Variants in DLGAP2 observed in about 807,000 individuals in gnomAD.
DLGAP2 encodes DLG associated protein 2.
DLGAP2 carries 26 observed loss-of-function variants against 100.3 expected under a neutral mutation model. The observed-to-expected ratio is 0.26, with a 90% CI of 0.19 to 0.36. The LOEUF is 0.36. DLGAP2 is among the 10% of genes least tolerant of loss of function. DLGAP2 has a pLI of 1.00. For missense variants in DLGAP2, 1,858 were observed against 1,453.2 expected, an observed-to-expected ratio of 1.28 and a Z score of -4.53; for synonymous variants, 886 against 630.1, an observed-to-expected ratio of 1.41 and a Z score of -6.08.
intron 2 of DLGAP2, among the ~76,000 whole-genome samples, chr8:1,211,577 A>C (rs370388811): frequency 9.2e-5 from 14 of 152,360 alleles, no homozygotes; most frequent in African/African-American, 3.4e-4. Context: ...CGTATCCATT[A>C]ATCAATACTG....
At chr8:1,482,255 G>A (rs904687249) in intron 3 of DLGAP2, among the ~76,000 whole-genome samples, 3 of 152,188 alleles carry the variant, frequency 2.0e-5, no homozygotes, top group African/African-American at 7.2e-5. Context: ...TCTTTTAAAA[G>A]AAACGTGGAA....
chr8:1,645,666 C>T (rs1798024121), intron 8 of DLGAP2, among the ~76,000 whole-genome samples: 1 of 152,200 alleles, frequency 6.6e-6, no homozygotes, highest in African/African-American at 2.4e-5. Flanking sequence ...AATAATCTTA[C>T]AGGTACTATG....
At chr8:802,015 C>G (rs4735936) in intron 1 of DLGAP2, among the ~76,000 whole-genome samples, 2 of 51,758 alleles carry the variant, frequency 3.9e-5, no homozygotes, top group Non-Finnish European at 1.0e-4. Context: ...AGGAACAGTC[C>G]GCACCCCTCC....
intron 2 of DLGAP2, among the ~76,000 whole-genome samples, chr8:1,089,995 G>C (rs1405537281): frequency 6.6e-6 from 1 of 152,158 alleles, no homozygotes; most frequent in East Asian, 1.9e-4. Context: ...CTGAGGACCT[G>C]TTTCCTGTTT....
At position 1,001,266 on chromosome 8, in the gene DLGAP2, C is replaced by G. The variant is rs145434770; in HGVS notation, c.73+93300C>G. On this transcript the variant is annotated intron_variant, in intron 2 of 14. Coordinates refer to ENST00000637795, the MANE Select transcript of DLGAP2 (RefSeq NM_001346810.2). ...TTGTACTGCACACAGCCTTTCTCCA[C>G]TGGCTCTGTCAGAAGCCTGAGAACT... Among the ~76,000 whole-genome samples, 818 of 152,310 alleles carry G rather than the reference C, an allele frequency of 5.4e-3. 5 individuals carry two copies. The highest frequency in any genetic ancestry group is 0.014 in the Middle Eastern group (4 of 294).
At chr8:1,146,942 A>T (rs758955927) in intron 2 of DLGAP2, among the ~76,000 whole-genome samples, 2 of 152,032 alleles carry the variant, frequency 1.3e-5, no homozygotes, top group African/African-American at 2.4e-5. Context: ...CTTCCAATAA[A>T]TTTCTCCTCT....
rs1451722286 is a variant in DLGAP2 at position 1,697,419 on chromosome 8, A to G, written c.2949+120A>G. The stretch of plus-strand genomic sequence containing the variant: ...GTCTTTTGCTGGCAACACACGAGCA[A>G]ATTTCCCTCTATGTATGTGTGCACA... On this transcript the variant is annotated intron_variant, in intron 14 of 14. Transcript: ENST00000637795. The G allele has an allele frequency of 5.0e-6, 7 of 1,401,114 alleles. 1 individual carries two copies. The South Asian group carries it at 7.0e-5, about 14-fold the overall frequency. 86.8% of individuals were successfully genotyped at this position (1,401,114 alleles called of 1,614,324 possible).
intron 3 of DLGAP2, among the ~76,000 whole-genome samples, chr8:1,288,505 T>C (rs1799989309): frequency 8.8e-6 from 1 of 113,742 alleles, no homozygotes; most frequent in Non-Finnish European, 1.8e-5. Context: ...TGTGTGTGTG[T>C]GCATGGTTCT....
intron 2 of DLGAP2, among the ~76,000 whole-genome samples, chr8:1,145,990 C>T (rs539718467): frequency 2.0e-5 from 3 of 152,146 alleles, no homozygotes; most frequent in Admixed American, 6.5e-5. Context: ...ATATGTGCCA[C>T]ATTTTCTTAT....
chr8:1,491,729 C>T (rs977056937), intron 3 of DLGAP2, among the ~76,000 whole-genome samples: 7 of 152,216 alleles, frequency 4.6e-5, no homozygotes, highest in African/African-American at 1.7e-4. Flanking sequence ...ATACGATTTC[C>T]TCTTGAAGTT....
chr8:1,702,729 T>C lies in DLGAP2; in HGVS notation c.*1323T>C, dbSNP rs920675200. 2 of 152,260 alleles carry C rather than the reference T, an allele frequency of 1.3e-5. No individual in the cohort carries two copies. The highest frequency in any genetic ancestry group is 2.4e-5 in the African/African-American group (1 of 41,452). The allele number at this position is 152,260 out of a possible 1,614,324, so 9.4% of individuals were successfully genotyped here. A position where few individuals can be genotyped will look rare whatever the true frequency, so the allele number is the denominator to read the frequency against. Reference sequence around the variant, plus strand: ...TAATTAAATTTAGCTGCTGCAACCATTGTTCTGACACGACTTCTGTTTCAC... The same window carrying C: ...TAATTAAATTTAGCTGCTGCAACCACTGTTCTGACACGACTTCTGTTTCAC... On this transcript the variant is annotated 3_prime_UTR_variant, in exon 15 of 15. Coordinates refer to ENST00000637795, the MANE Select transcript of DLGAP2 (RefSeq NM_001346810.2).
At chr8:899,755 A>G (rs1322281386) in intron 1 of DLGAP2, among the ~76,000 whole-genome samples, 2 of 152,244 alleles carry the variant, frequency 1.3e-5, no homozygotes, top group African/African-American at 4.8e-5. Context: ...AATTGAGTAT[A>G]TATTAATGTT....
intron 3 of DLGAP2, among the ~76,000 whole-genome samples, chr8:1,471,617 C>T (rs942897885): frequency 1.3e-5 from 2 of 151,832 alleles, no homozygotes; most frequent in African/African-American, 4.8e-5. Context: ...GCCCACAGCC[C>T]ACTCATCCCT....
intron 6 of DLGAP2, among the ~76,000 whole-genome samples, chr8:1,617,027 C>G (rs1049652757): frequency 6.6e-6 from 1 of 152,188 alleles, no homozygotes; most frequent in Admixed American, 6.5e-5. Context: ...GGATAATGGC[C>G]TCCAGCTCCA....
chr8:894,646 G>A (rs1306729346), intron 1 of DLGAP2, among the ~76,000 whole-genome samples: 18 of 137,530 alleles, frequency 1.3e-4, no homozygotes, highest in South Asian at 2.4e-4. Context: ...TGGGGAGAGT[G>A]GAGTGGCGGC....
At chr8:1,613,558 A>G (rs1446343145) in intron 6 of DLGAP2, among the ~76,000 whole-genome samples, 3 of 152,072 alleles carry the variant, frequency 2.0e-5, no homozygotes, top group Admixed American at 2.0e-4. Flanking sequence ...AAAAAAAAGA[A>G]AAGAAAAGAA....
intron 3 of DLGAP2, among the ~76,000 whole-genome samples, chr8:1,317,037 C>T (rs1397846916): frequency 9.2e-6 from 1 of 108,224 alleles, no homozygotes; most frequent in Non-Finnish European, 1.8e-5. Context: ...AAAAATAGAG[C>T]GTGTGCGAGT....
rs1225422963 is a variant in DLGAP2 at position 1,190,409 on chromosome 8, T to C, written c.74-68442T>C. 1.1e-4 allele frequency among the ~76,000 whole-genome samples: 4 copies of C among 37,464 alleles called. No homozygotes were observed. In the East Asian group the frequency reaches 1.8e-3, roughly 17 times the overall value. 24.6% of individuals were successfully genotyped at this position (37,464 alleles called of 152,430 possible). Reference sequence around the variant, plus strand: ...CGAGAGTCAGGGTCGGGGCATCTGCTGTTGGGGCATCTGCTGTTGGGGCAT... The same window carrying C: ...CGAGAGTCAGGGTCGGGGCATCTGCCGTTGGGGCATCTGCTGTTGGGGCAT... On this transcript the variant is annotated intron_variant, in intron 2 of 14. Transcript: ENST00000637795.
chr8:1,294,697 G>T (rs2116977081), intron 3 of DLGAP2, among the ~76,000 whole-genome samples: 2 of 152,238 alleles, frequency 1.3e-5, no homozygotes, highest in South Asian at 2.1e-4. Flanking sequence ...ATGTGTGAGA[G>T]AGTTAGATTA....
Sources: allele counts gnomAD v4.1 joint callset (sites outside exome capture counted in the v4.1 genomes callset), GRCh38; gene constraint gnomAD v4.1.1; transcripts MANE v1.5; gene names NCBI Gene and HGNC (gene_info 2026-07-23, HGNC 2026-07-21).